The following STPG2 variants were observed in gnomAD, a reference collection of about 807,000 sequenced individuals.
The protein encoded by STPG2 is sperm tail PG-rich repeat containing 2.
STPG2 carries 56 observed loss-of-function variants against 54.2 expected under a neutral mutation model. The ratio of observed to expected loss-of-function variants is 1.03; its 90% CI spans 0.83 to 1.29. STPG2 has a LOEUF of 1.29. Among genes scored for constraint, STPG2 ranks in the 50% most tolerant of loss-of-function variants. The probability of loss-of-function intolerance (pLI) is 0.00; values close to 1 mark genes in which losing one functional copy is unlikely to be tolerated. For synonymous variants in STPG2, 200 were observed against 181.8 expected, an observed-to-expected ratio of 1.10 and a Z score of -0.81; for missense variants, 596 against 544.9, an observed-to-expected ratio of 1.09 and a Z score of -0.93.
chr4:97,835,011 G>A (rs931259828), intron 9 of STPG2, among the ~76,000 whole-genome samples: 6 of 152,076 alleles, frequency 3.9e-5, no homozygotes, highest in African/African-American at 1.4e-4. Flanking sequence ...GAATCAGAGT[G>A]CCTCCATCTT....
chr4:97,774,157 T>A (rs1161411437), intron 9 of STPG2, among the ~76,000 whole-genome samples: 1 of 152,200 alleles, frequency 6.6e-6, no homozygotes, highest in Non-Finnish European at 1.5e-5. Context: ...TTTGTAGCAG[T>A]CCTCAAGATT....
chr4:97,633,066 A>G (rs1291795383), intron 10 of STPG2, among the ~76,000 whole-genome samples: 2 of 152,190 alleles, frequency 1.3e-5, no homozygotes, highest in East Asian at 3.9e-4. Context: ...CAACCATGTT[A>G]CAATATGCAT....
intron 5 of STPG2, among the ~76,000 whole-genome samples, chr4:98,051,823 G>A (rs13122054): frequency 0.39 from 59,836 of 151,514 alleles, 12,040 homozygotes; most frequent in Middle Eastern, 0.46. Context: ...TAGGAAACAC[G>A]CTGGGCGCAG....
chr4:97,858,977 C>T (rs1729420763), intron 8 of STPG2, among the ~76,000 whole-genome samples: 1 of 152,190 alleles, frequency 6.6e-6, no homozygotes, highest in Non-Finnish European at 1.5e-5. Flanking sequence ...CTCCATACTA[C>T]TTTCCATAGT....
chr4:97,840,961 AAT>A (rs1728785161), intron 8 of STPG2, 29 bp from the exon 9 acceptor site: 3 of 1,605,336 alleles, frequency 1.9e-6, no homozygotes, highest in Non-Finnish European at 2.6e-6. Flanking sequence ...GATGAGCATA[AAT>A]ATATCTTATA....
chr4:97,537,699 G>T (rs1357090233), intron 4 of STPG2, among the ~76,000 whole-genome samples: 2 of 152,138 alleles, frequency 1.3e-5, no homozygotes, highest in African/African-American at 2.4e-5. Context: ...GAGAGTAGTG[G>T]TTCTCCCAGC....
At chr4:97,842,157 A>C (rs1379935457) in intron 8 of STPG2, among the ~76,000 whole-genome samples, 1 of 151,812 alleles carries the variant, frequency 6.6e-6, no homozygotes, top group African/African-American at 2.4e-5. Flanking sequence ...ACTTCCAAAG[A>C]ATCACAAAAT....
At chr4:97,592,076 A>T (rs1733159455) in intron 10 of STPG2, among the ~76,000 whole-genome samples, 1 of 152,204 alleles carries the variant, frequency 6.6e-6, no homozygotes, top group Non-Finnish European at 1.5e-5. Flanking sequence ...ATTTAACAAA[A>T]GTTGAGAAGA....
intron 9 of STPG2, among the ~76,000 whole-genome samples, chr4:97,761,497 T>C (rs1166033913): frequency 6.6e-6 from 1 of 152,132 alleles, no homozygotes; most frequent in Non-Finnish European, 1.5e-5. Context: ...TTTGCCAATA[T>C]CTTGGTTGAA....
chr4:98,085,880 T>C (rs1315378894), intron 5 of STPG2, among the ~76,000 whole-genome samples: 4 of 152,082 alleles, frequency 2.6e-5, no homozygotes, highest in Non-Finnish European at 5.9e-5. Context: ...CATCCATACA[T>C]ATTGATCAAG....
intron 9 of STPG2, among the ~76,000 whole-genome samples, chr4:97,768,848 T>C (rs1026097760): frequency 1.3e-5 from 2 of 151,950 alleles, no homozygotes; most frequent in African/African-American, 4.8e-5. Flanking sequence ...ACTACAGGCA[T>C]GTGCCATCAT....
intron 6 of STPG2, among the ~76,000 whole-genome samples, chr4:97,977,633 G>A (rs1309589818): frequency 6.6e-6 from 1 of 152,158 alleles, no homozygotes; most frequent in Non-Finnish European, 1.5e-5. Context: ...TAAAGCAAAT[G>A]GTTTTATCTG....
chr4:98,124,031 G>A (rs1471442588), intron 3 of STPG2, among the ~76,000 whole-genome samples: 2 of 152,036 alleles, frequency 1.3e-5, no homozygotes, highest in Non-Finnish European at 2.9e-5. Flanking sequence ...CCATTAGCTT[G>A]GTAAATGTTC....
chr4:98,101,840 G>A (rs1047425754), intron 5 of STPG2, among the ~76,000 whole-genome samples: 1 of 151,686 alleles, frequency 6.6e-6, no homozygotes, highest in Non-Finnish European at 1.5e-5. Flanking sequence ...TACAAGCCAT[G>A]AATCCCCTTA....
chr4:97,461,776 T>C (rs771258935), intron 4 of STPG2, among the ~76,000 whole-genome samples: 15 of 152,212 alleles, frequency 9.9e-5, no homozygotes, highest in Non-Finnish European at 2.2e-4. Context: ...AATGTGCCTG[T>C]TCAAGTCTTT....
chr4:98,120,392 T>A (rs1410169382), intron 3 of STPG2, among the ~76,000 whole-genome samples: 1 of 152,164 alleles, frequency 6.6e-6, no homozygotes, highest in African/African-American at 2.4e-5. Flanking sequence ...AGTATCTTTA[T>A]AATAGAGTGA....
intron 8 of STPG2, among the ~76,000 whole-genome samples, chr4:97,901,219 C>A (rs1171040506): frequency 6.6e-6 from 1 of 151,806 alleles, no homozygotes; most frequent in Non-Finnish European, 1.5e-5. Flanking sequence ...TATGACAAGC[C>A]CACAGCTAAC....
chr4:97,471,283 G>A (rs191808340), intron 4 of STPG2, among the ~76,000 whole-genome samples: 18 of 152,226 alleles, frequency 1.2e-4, no homozygotes, highest in Admixed American at 1.0e-3. Context: ...ATGGTGAAAT[G>A]TGCATCTTTA....
intron 8 of STPG2, among the ~76,000 whole-genome samples, chr4:97,908,399 A>G (rs1447025908): frequency 6.7e-6 from 1 of 149,558 alleles, no homozygotes; most frequent in Non-Finnish European, 1.5e-5. Context: ...AAATAGGAAC[A>G]CTTTTACGCT....
Sources: gnomAD v4.1 joint callset for allele counts (sites outside exome capture counted in the v4.1 genomes callset) on GRCh38, gnomAD v4.1.1 for gene constraint, MANE v1.5 for transcripts, NCBI Gene and HGNC (gene_info 2026-07-23, HGNC 2026-07-21) for gene names.